Variants in IL1R1 observed in about 807,000 individuals in gnomAD.
The protein encoded by IL1R1 is interleukin 1 receptor type 1.
In IL1R1, 22 loss-of-function variants were observed where a neutral mutation model predicts 50.2. That is an observed-to-expected ratio of 0.44 (90% CI 0.31 to 0.63). IL1R1 has a LOEUF of 0.63. Ranked by LOEUF, IL1R1 falls within the 20% of genes least tolerant of loss-of-function variation. The pLI is 0.07. For missense variants in IL1R1, 509 were observed against 676.2 expected (o/e 0.75, Z 2.74); for synonymous variants, 251 against 236.7 (o/e 1.06, Z -0.55).
intron 1 of IL1R1, among the ~76,000 whole-genome samples, chr2:102,094,942 G>C (rs1310427020): frequency 6.6e-6 from 1 of 152,130 alleles, no homozygotes; most frequent in Non-Finnish European, 1.5e-5. Context: ...GCCTGGGGAG[G>C]GGCAAGAGTG....
In IL1R1 at chr2:102,136,002, C is replaced by T. The variant is rs147202927; in HGVS notation, c.-83-17939C>T. Among the ~76,000 whole-genome samples the T allele has an allele frequency of 3.3e-5, 5 of 152,350 alleles. No homozygotes were observed. The East Asian group carries it at 9.6e-4, about 29-fold the overall frequency. ...TCTGAGACTCCATGCCTAAGTCACA[C>T]TCAGGGGAACTCTGCCCAAAATCTT... On this transcript the variant is annotated intron_variant, in intron 1 of 10. Transcript: ENST00000409329.
At chr2:102,128,296 A>G (rs1681836997) in intron 1 of IL1R1, among the ~76,000 whole-genome samples, 1 of 152,180 alleles carries the variant, frequency 6.6e-6, no homozygotes, top group South Asian at 2.1e-4. Flanking sequence ...ACATTTGCTT[A>G]TTTGCATAGT....
chr2:102,128,956 T>C (rs1681877703), intron 1 of IL1R1, among the ~76,000 whole-genome samples: 1 of 152,054 alleles, frequency 6.6e-6, no homozygotes, highest in Non-Finnish European at 1.5e-5. Flanking sequence ...AATCCCATAG[T>C]TTTGGGAGGC....
At chr2:102,119,234 T>C (rs1433120661) in intron 1 of IL1R1, among the ~76,000 whole-genome samples, 1 of 152,168 alleles carries the variant, frequency 6.6e-6, no homozygotes, top group Non-Finnish European at 1.5e-5. Flanking sequence ...CTAGTGATAA[T>C]GTAAGTTCTT....
chr2:102,169,122 C>T (rs1306631029), intron 7 of IL1R1, among the ~76,000 whole-genome samples: 3 of 152,116 alleles, frequency 2.0e-5, no homozygotes, highest in Non-Finnish European at 4.4e-5. Context: ...AAGAATTGAT[C>T]ATTGTACGAC....
chr2:102,153,842 G>A (rs1042030475), intron 1 of IL1R1, 99 bp from the exon 2 acceptor site: 11 of 152,306 alleles, frequency 7.2e-5, no homozygotes, highest in African/African-American at 2.4e-4. Flanking sequence ...TTATAGCAGC[G>A]TGAAAATAGA....
intron 1 of IL1R1, among the ~76,000 whole-genome samples, chr2:102,135,190 A>G (rs6759556): frequency 0.026 from 3,957 of 152,302 alleles, 112 homozygotes; most frequent in African/African-American, 0.068. Context: ...TGCTGATTTT[A>G]TGAACCTATG....
chr2:102,116,667 G>A (rs933102813), intron 1 of IL1R1, among the ~76,000 whole-genome samples: 3 of 152,176 alleles, frequency 2.0e-5, no homozygotes, highest in African/African-American at 4.8e-5. Flanking sequence ...GGTTTGTACT[G>A]TGTTAGCAAT....
At chr2:102,172,373 G>T in intron 8 of IL1R1, 1 of 985,298 alleles carries the variant, frequency 1.0e-6, no homozygotes, top group Non-Finnish European at 1.2e-6. Flanking sequence ...TTTGTCATCT[G>T]CCCCAATCTC....
chr2:102,137,934 C>G (rs1454279908), upstream of IL1R1, among the ~76,000 whole-genome samples: 3 of 152,012 alleles, frequency 2.0e-5, no homozygotes, highest in African/African-American at 7.2e-5. Context: ...GGAAAAGTGA[C>G]AAAACTTAGA....
At chr2:102,087,388 G>A (rs1679475026) in intron 1 of IL1R1, among the ~76,000 whole-genome samples, 1 of 152,194 alleles carries the variant, frequency 6.6e-6, no homozygotes, top group Admixed American at 6.5e-5. Flanking sequence ...CTGTTTGACA[G>A]CATTTTACCC....
chr2:102,139,887 GTAT>G (rs1682547989), upstream of IL1R1, among the ~76,000 whole-genome samples: 1 of 152,050 alleles, frequency 6.6e-6, no homozygotes, highest in Non-Finnish European at 1.5e-5. Flanking sequence ...CCAGTTTCAG[GTAT>G]TTTTTTATAG....
intron 3 of IL1R1, among the ~76,000 whole-genome samples, chr2:102,161,496 C>T (rs1286850299): frequency 2.0e-5 from 3 of 152,050 alleles, no homozygotes; most frequent in Non-Finnish European, 4.4e-5. Flanking sequence ...ACTGATTATC[C>T]GTTTAATTTT....
At chr2:102,114,041 T>A (rs978056144) in intron 1 of IL1R1, among the ~76,000 whole-genome samples, 15 of 152,210 alleles carry the variant, frequency 9.9e-5, no homozygotes, top group African/African-American at 3.6e-4. Flanking sequence ...TTCTCACATG[T>A]CCTTCAGGCA....
upstream of IL1R1, among the ~76,000 whole-genome samples, chr2:102,141,611 T>C (rs1682650002): frequency 6.6e-6 from 1 of 152,212 alleles, no homozygotes. Context: ...CCTGGATTTG[T>C]CCGGGGGCAG....
intron 1 of IL1R1, among the ~76,000 whole-genome samples, chr2:102,109,027 C>A (rs555634375): frequency 1.3e-4 from 20 of 151,464 alleles, no homozygotes; most frequent in African/African-American, 4.4e-4. Flanking sequence ...AGGTAGGAGA[C>A]CTGGTTTTAG....
chr2:102,126,450 A>G (rs1378550747), intron 1 of IL1R1, among the ~76,000 whole-genome samples: 1 of 152,248 alleles, frequency 6.6e-6, no homozygotes, highest in Non-Finnish European at 1.5e-5. Flanking sequence ...CTTGTCCTCA[A>G]TTGACATGGT....
rs144836095 is a variant in IL1R1 at position 102,087,055 on chromosome 2, C to T, written c.-84+16522C>T. 4.7e-3 allele frequency among the ~76,000 whole-genome samples: 712 copies of T among 151,780 alleles called. 4 individuals are homozygous for T. Among genetic ancestry groups the T allele is most frequent in the African/African-American group, 0.016 (679 of 41,404 alleles). On this transcript the variant is annotated intron_variant, in intron 1 of 11. Coordinates refer to the IL1R1 transcript ENST00000409929. ...TCACAATTTCTTTTTTTTTTGGTTACCCATTGCATGTAAAAGTTATGTTTA... is the reference window on the plus strand; with the variant it reads ...TCACAATTTCTTTTTTTTTTGGTTATCCATTGCATGTAAAAGTTATGTTTA...
intron 1 of IL1R1, among the ~76,000 whole-genome samples, chr2:102,123,627 T>C (rs1293608537): frequency 1.3e-5 from 2 of 151,684 alleles, no homozygotes; most frequent in Non-Finnish European, 2.9e-5. Flanking sequence ...AATACAAAAA[T>C]GTTAGCTGGT....
Sources: gnomAD v4.1 joint callset for allele counts (sites outside exome capture counted in the v4.1 genomes callset) on GRCh38, gnomAD v4.1.1 for gene constraint, MANE v1.5 for transcripts, NCBI Gene and HGNC (gene_info 2026-07-23, HGNC 2026-07-21) for gene names.